The following AFTPH variants were observed in gnomAD, a reference collection of about 807,000 sequenced individuals.
AFTPH encodes aftiphilin, also known as aftiphilin protein.
Under a neutral mutation model 72.5 loss-of-function variants are expected in AFTPH, and 7 were observed. The ratio of observed to expected loss-of-function variants is 0.10; its 90% confidence interval spans 0.05 to 0.18. The LOEUF (loss-of-function observed/expected upper bound fraction) is 0.18. AFTPH is among the 10% of genes least tolerant of loss of function. The probability of loss-of-function intolerance (pLI) is 1.00; values close to 1 mark genes in which losing one functional copy is unlikely to be tolerated. For synonymous variants in AFTPH, 337 were observed against 370.1 expected, an observed-to-expected ratio of 0.91 and a Z score of 1.03; for missense variants, 979 against 1,060.5, an observed-to-expected ratio of 0.92 and a Z score of 1.07.
At position 64,572,680 on chromosome 2, in the gene AFTPH, A is replaced by G. The variant is rs149448496; in HGVS notation, c.2272-266A>G. Among the ~76,000 whole-genome samples the G allele has an allele frequency of 1.1e-3, 170 of 152,278 alleles. 1 individual carries two copies. Among genetic ancestry groups the G allele is most frequent in the African/African-American group, 3.9e-3 (164 of 41,562 alleles). Reference sequence around the variant, plus strand: ...GTGAAATGGTTCTCATTATAGTGCTATAGGATTTTCAGTAAATAAAATTTA... The same window carrying G: ...GTGAAATGGTTCTCATTATAGTGCTGTAGGATTTTCAGTAAATAAAATTTA... On this transcript the variant is annotated intron_variant, in intron 5 of 8. Coordinates refer to ENST00000238856, the Ensembl canonical transcript of AFTPH.
chr2:64,536,951 C>CAAAAAAAAAAAA (rs70937353), intron 1 of AFTPH, among the ~76,000 whole-genome samples: 6 of 81,794 alleles, frequency 7.3e-5, no homozygotes, highest in Admixed American at 1.4e-4. Flanking sequence ...GACTCTGTCT[C>CAAAAAAAAAAAA]AAAAAAAAAA....
chr2:64,572,631 A>C (rs1161849445), intron 5 of AFTPH, among the ~76,000 whole-genome samples: 1 of 152,114 alleles, frequency 6.6e-6, no homozygotes, highest in East Asian at 1.9e-4. Context: ...TGCTTTAAAA[A>C]CTTTTGATTC....
chr2:64,549,057 A>G (rs996399238), intron 1 of AFTPH, among the ~76,000 whole-genome samples: 2 of 152,316 alleles, frequency 1.3e-5, no homozygotes, highest in African/African-American at 4.8e-5. Flanking sequence ...ACTTTGGGAA[A>G]GTTACTCACT....
At chr2:64,581,817 G>T (rs1673223720) in intron 7 of AFTPH, among the ~76,000 whole-genome samples, 1 of 152,106 alleles carries the variant, frequency 6.6e-6, no homozygotes, top group South Asian at 2.1e-4. Context: ...AACTATTTCT[G>T]TTTTTATGTA....
intron 4 of AFTPH, 148 bp from the exon 5 acceptor site, chr2:64,569,475 A>G (rs1164263077): frequency 1.7e-5 from 16 of 959,434 alleles, no homozygotes; most frequent in Non-Finnish European, 2.4e-5. Context: ...CTGGGAGATA[A>G]AATAACCCAT....
At position 64,550,711 on chromosome 2, in the gene AFTPH, ACACACACACACACACACAC is replaced by A. The variant is rs1393755196; in HGVS notation, c.-32-731_-32-713del. Among the ~76,000 whole-genome samples, 153 of 150,772 alleles carry A rather than the reference ACACACACACACACACACAC, an allele frequency of 1.0e-3. 3 individuals carry two copies. The highest frequency in any genetic ancestry group is 3.6e-3 in the African/African-American group (147 of 41,164). On this transcript the variant is annotated intron_variant, in intron 1 of 8. Transcript: ENST00000238856. ...CACACACACACACACACACACACAC[ACACACACACACACACACAC>A]AACTGGTGAAATCCAAACAAGGTCT...
chr2:64,582,404 G>A (rs9789654), intron 7 of AFTPH, among the ~76,000 whole-genome samples: 13,774 of 152,168 alleles, frequency 0.091, 1,667 homozygotes, highest in African/African-American at 0.27. Flanking sequence ...CTGCAGGGAA[G>A]TTCCAAGGTC....
At chr2:64,539,599 G>A (rs888590328) in intron 1 of AFTPH, among the ~76,000 whole-genome samples, 7 of 152,168 alleles carry the variant, frequency 4.6e-5, no homozygotes, top group Non-Finnish European at 1.0e-4. Context: ...TGGAGTGTGC[G>A]TGAGTTGGAG....
At chr2:64,555,909 G>A (rs1047623053) in intron 2 of AFTPH, among the ~76,000 whole-genome samples, 1 of 151,912 alleles carries the variant, frequency 6.6e-6, no homozygotes, top group East Asian at 1.9e-4. Flanking sequence ...CTTTTGGAGA[G>A]GATTAGATTT....
chr2:64,576,968 A>C (rs1386492567), intron 6 of AFTPH, among the ~76,000 whole-genome samples: 2 of 152,160 alleles, frequency 1.3e-5, no homozygotes, highest in East Asian at 3.9e-4. Flanking sequence ...CATGTTGGCC[A>C]GGCTGGTCTC....
Position 64,546,722 on chromosome 2 carries a change from C to A in AFTPH, c.-32-4721C>A, listed in dbSNP as rs916188673. ...TGTATCTCCTACAACCAAGGACATT[C>A]TCATGCATGACTACAGTACTACCAT... is the stretch of plus-strand genomic sequence containing the variant. On this transcript the variant is annotated intron_variant, in intron 1 of 8. Transcript: ENST00000238856. 8.2e-4 allele frequency among the ~76,000 whole-genome samples: 125 copies of A among 152,106 alleles called. 2 individuals are homozygous for A. Among genetic ancestry groups the A allele is most frequent in the Admixed American group, 8.1e-3 (124 of 15,268 alleles).
chr2:64,565,095 T>C (rs1244873175), intron 2 of AFTPH, among the ~76,000 whole-genome samples: 1 of 151,998 alleles, frequency 6.6e-6, no homozygotes, highest in East Asian at 1.9e-4. Context: ...CGCCTCGGCT[T>C]CCCAAAGTGC....
chr2:64,564,624 AAAAT>A (rs1030692553), intron 2 of AFTPH, among the ~76,000 whole-genome samples: 2 of 146,114 alleles, frequency 1.4e-5, no homozygotes, highest in Non-Finnish European at 2.9e-5. Context: ...AAAAAAATAA[AAAAT>A]AAAAAATAAA....
At chr2:64,567,515 T>C in intron 2 of AFTPH, 47 bp from the exon 3 acceptor site, 1 of 1,567,048 alleles carries the variant, frequency 6.4e-7, no homozygotes, top group Admixed American at 1.9e-5. Flanking sequence ...ACTATGATAT[T>C]ATCAAAATTA....
chr2:64,532,719 T>G (rs531354955), intron 1 of AFTPH, among the ~76,000 whole-genome samples: 126 of 152,324 alleles, frequency 8.3e-4, no homozygotes, highest in Non-Finnish European at 1.6e-3. Context: ...AGCAGGGAAC[T>G]GGCTTGGCTA....
In AFTPH at chr2:64,585,553, AAT is replaced by A. The variant is rs371689618; in HGVS notation, c.2579+10_2579+11del. ...GACAAGCACATCTACCAGGTAAATA[AAT>A]AGTGTCAATTATACCCACATTTTGA... On this transcript the variant is annotated intron_variant, in intron 8 of 8. Coordinates refer to ENST00000238856, the Ensembl canonical transcript of AFTPH. 1.3e-4 allele frequency: 215 copies of A among 1,601,698 alleles called. 2 individuals are homozygous for A. The East Asian group carries it at 4.2e-3, about 31-fold the overall frequency.
At chr2:64,553,026 A>C in exon 2 of AFTPH, 1 of 1,614,182 alleles carries the variant, frequency 6.2e-7, no homozygotes, top group Middle Eastern at 1.6e-4. Flanking sequence ...AAGAAAATCT[A>C]GTGGAACAGG....
chr2:64,543,704 T>G (rs2103875916), intron 1 of AFTPH, among the ~76,000 whole-genome samples: 1 of 152,318 alleles, frequency 6.6e-6, no homozygotes, highest in East Asian at 1.9e-4. Flanking sequence ...TGATATCAGG[T>G]AGTTTAAGTC....
chr2:64,582,628 G>T (rs1311458150), intron 7 of AFTPH, among the ~76,000 whole-genome samples: 2 of 152,118 alleles, frequency 1.3e-5, no homozygotes, highest in Admixed American at 6.5e-5. Flanking sequence ...TTACGGGGGG[G>T]TAGGAGGGAC....
Sources: allele counts gnomAD v4.1 joint callset (sites outside exome capture counted in the v4.1 genomes callset), GRCh38; gene constraint gnomAD v4.1.1; transcripts MANE v1.5; gene names NCBI Gene and HGNC (gene_info 2026-07-23, HGNC 2026-07-21).